The following DRC11 variants were observed in gnomAD, a reference collection of about 807,000 sequenced individuals.
The protein encoded by DRC11 is IQ and AAA domain-containing protein 1.
the DRC11 span, among the ~76,000 whole-genome samples, chr2:236,375,875 T>C: frequency 2.0e-3 from 309 of 152,346 alleles, no homozygotes; most frequent in Non-Finnish European, 3.7e-3. This position sits in a 1 kb window ranked among gnomAD's most constrained non-coding sequence, Gnocchi z 4.2. Flanking sequence ...TCTCCACTTT[T>C]ACAACTGCTA....
At chr2:236,446,199 C>T in the DRC11 span, among the ~76,000 whole-genome samples, 5 of 152,190 alleles carry the variant, frequency 3.3e-5, no homozygotes, top group East Asian at 5.8e-4. This position sits in a 1 kb window ranked among gnomAD's most constrained non-coding sequence, Gnocchi z 6.2. Flanking sequence ...AAGGCACAGT[C>T]GGTCCCGCTC....
chr2:236,321,916 G>A, the DRC11 span, among the ~76,000 whole-genome samples: 1 of 152,100 alleles, frequency 6.6e-6, no homozygotes, highest in Non-Finnish European at 1.5e-5. Context: ...TAAAACAATG[G>A]ACCCTAATAA....
At chr2:236,496,767 C>T in the DRC11 span, among the ~76,000 whole-genome samples, 1 of 152,200 alleles carries the variant, frequency 6.6e-6, no homozygotes, top group Non-Finnish European at 1.5e-5. This position sits in a 1 kb window ranked among gnomAD's most constrained non-coding sequence, Gnocchi z 6.3. Flanking sequence ...AATAGGGAAC[C>T]TGTGACCAAC....
At chr2:236,377,324 T>C in the DRC11 span, 2 of 575,452 alleles carry the variant, frequency 3.5e-6, no homozygotes. This position sits in a 1 kb window ranked among gnomAD's most constrained non-coding sequence, Gnocchi z 4.9. Context: ...AAAAGGATTT[T>C]TGAAGTGTTT....
the DRC11 span, among the ~76,000 whole-genome samples, chr2:236,423,906 A>G: frequency 3.3e-5 from 5 of 152,128 alleles, no homozygotes; most frequent in Non-Finnish European, 7.4e-5. Flanking sequence ...TTGAAGGGAC[A>G]TGGATGAAGC....
chr2:236,418,582 AC>A, the DRC11 span, among the ~76,000 whole-genome samples: 23 of 151,492 alleles, frequency 1.5e-4, no homozygotes, highest in Middle Eastern at 6.9e-3. Flanking sequence ...CACCATGAAG[AC>A]CCCCCCAGTT....
the DRC11 span, among the ~76,000 whole-genome samples, chr2:236,437,483 T>C: frequency 6.6e-6 from 1 of 151,596 alleles, no homozygotes; most frequent in Non-Finnish European, 1.5e-5. Context: ...GGTCAAATGG[T>C]ATTTCTAGTT....
At chr2:236,441,173 G>A in the DRC11 span, 1 of 1,181,416 alleles carries the variant, frequency 8.5e-7, no homozygotes, top group East Asian at 2.6e-5. Context: ...GTCCTCTCTT[G>A]TTATATACCC....
the DRC11 span, among the ~76,000 whole-genome samples, chr2:236,404,712 T>C: frequency 6.6e-6 from 1 of 152,272 alleles, no homozygotes; most frequent in Non-Finnish European, 1.5e-5. Context: ...ATATACCATG[T>C]AGACAGATAT....
the DRC11 span, among the ~76,000 whole-genome samples, chr2:236,320,139 T>G: frequency 6.6e-6 from 1 of 152,358 alleles, no homozygotes; most frequent in East Asian, 1.9e-4. Context: ...CACTGACGAA[T>G]GAATGATTCT....
At chr2:236,327,560 T>C in the DRC11 span, among the ~76,000 whole-genome samples, 48,042 of 151,942 alleles carry the variant, frequency 0.32, 9,706 homozygotes, top group African/African-American at 0.58. Context: ...TTAAACTCTC[T>C]TTGATTTCTA....
chr2:236,409,602 C>T, the DRC11 span, among the ~76,000 whole-genome samples: 2 of 152,008 alleles, frequency 1.3e-5, no homozygotes, highest in Admixed American at 1.3e-4. Flanking sequence ...CCCTTTATTT[C>T]CTTCTCCTGC....
chr2:236,357,214 G>A, the DRC11 span, among the ~76,000 whole-genome samples: 2 of 107,572 alleles, frequency 1.9e-5, no homozygotes, highest in Non-Finnish European at 3.5e-5. Context: ...TATTCATATA[G>A]TATATATCTA....
the DRC11 span, among the ~76,000 whole-genome samples, chr2:236,312,400 A>G: frequency 6.6e-6 from 1 of 152,048 alleles, no homozygotes; most frequent in Non-Finnish European, 1.5e-5. Context: ...TACATAGGAA[A>G]AGCCTGAAAA....
chr2:236,379,290 G>A, the DRC11 span, among the ~76,000 whole-genome samples: 1 of 130,118 alleles, frequency 7.7e-6, no homozygotes. Flanking sequence ...GGACCAAGGG[G>A]AGGGAACCCC....
At chr2:236,416,751 A>ATT in the DRC11 span, among the ~76,000 whole-genome samples, 1 of 60,186 alleles carries the variant, frequency 1.7e-5, no homozygotes, top group African/African-American at 5.8e-5. Context: ...ATATATATAT[A>ATT]TATATATATA....
chr2:236,327,058 G>C, the DRC11 span, among the ~76,000 whole-genome samples: 6 of 151,910 alleles, frequency 3.9e-5, no homozygotes. Context: ...TTTGGGCTCT[G>C]TCTCTCTCTC....
chr2:236,355,234 G>T, the DRC11 span, among the ~76,000 whole-genome samples: 1 of 152,130 alleles, frequency 6.6e-6, no homozygotes, highest in Non-Finnish European at 1.5e-5. Context: ...CGCTAGTGAG[G>T]TGTCTGTCTG....
At chr2:236,441,821 C>T in the DRC11 span, among the ~76,000 whole-genome samples, 2 of 152,252 alleles carry the variant, frequency 1.3e-5, no homozygotes, top group South Asian at 2.1e-4. Flanking sequence ...TTTAAAATGG[C>T]CCTTAAAAAA....
Sources: allele counts gnomAD v4.1 joint callset (sites outside exome capture counted in the v4.1 genomes callset), GRCh38; gene constraint gnomAD v4.1.1; non-coding constraint Gnocchi (gnomAD v3.1); transcripts MANE v1.5; gene names NCBI Gene and HGNC (gene_info 2026-07-23, HGNC 2026-07-21).